The following GALNT17 variants were observed in gnomAD, a reference collection of about 807,000 sequenced individuals.
The protein encoded by GALNT17 is polypeptide N-acetylgalactosaminyltransferase 17.
In GALNT17, 29 loss-of-function variants were observed where a neutral mutation model predicts 63.7. The ratio of observed to expected loss-of-function variants is 0.46; its 90% CI spans 0.34 to 0.62. The LOEUF (loss-of-function observed/expected upper bound fraction) is 0.62, where lower values mean the gene tolerates loss of function less well. GALNT17 is among the 20% of genes least tolerant of loss of function. GALNT17 has a pLI of 0.01. For synonymous variants in GALNT17, 305 were observed against 318.3 expected (o/e 0.96, Z 0.45); for missense variants, 603 against 799.6 (o/e 0.75, Z 2.97).
At chr7:71,559,750 A>C (rs1444825084) in intron 5 of GALNT17, among the ~76,000 whole-genome samples, 1 of 151,832 alleles carries the variant, frequency 6.6e-6, no homozygotes, top group Non-Finnish European at 1.5e-5. Flanking sequence ...AGTCCCAGCT[A>C]TTTGAGAAGC....
At chr7:71,572,566 T>A (rs575800110) in intron 6 of GALNT17, among the ~76,000 whole-genome samples, 11 of 140,510 alleles carry the variant, frequency 7.8e-5, no homozygotes, top group East Asian at 6.3e-4. Context: ...TGTTTGGATA[T>A]ACATATACAT....
chr7:71,407,411 A>C (rs970460890), intron 3 of GALNT17, among the ~76,000 whole-genome samples: 5 of 152,132 alleles, frequency 3.3e-5, no homozygotes, highest in African/African-American at 9.7e-5. Context: ...CCCCCTGGCC[A>C]CAGAATATGA....
chr7:71,144,246 T>C (rs1585835522), intron 1 of GALNT17, among the ~76,000 whole-genome samples: 1 of 152,046 alleles, frequency 6.6e-6, no homozygotes, highest in Non-Finnish European at 1.5e-5. Flanking sequence ...CCTTGTCAGC[T>C]CCTCGAGTAT....
intron 6 of GALNT17, among the ~76,000 whole-genome samples, chr7:71,577,032 T>TA (rs34383231): frequency 6.6e-6 from 1 of 152,150 alleles, no homozygotes; most frequent in Non-Finnish European, 1.5e-5. Context: ...CATGCAACCC[T>TA]AAAAAAGATT....
intron 1 of GALNT17, among the ~76,000 whole-genome samples, chr7:71,146,877 G>A (rs1259223305): frequency 6.6e-6 from 1 of 152,158 alleles, no homozygotes; most frequent in African/African-American, 2.4e-5. Context: ...CAACACACGA[G>A]CGTGCTGACA....
chr7:71,508,885 G>A (rs925389410), intron 5 of GALNT17, among the ~76,000 whole-genome samples: 1 of 152,058 alleles, frequency 6.6e-6, no homozygotes, highest in African/African-American at 2.4e-5. Context: ...TCCCAGGAAG[G>A]TACCCTGGAC....
intron 5 of GALNT17, among the ~76,000 whole-genome samples, chr7:71,491,686 G>T (rs1190898288): frequency 6.6e-6 from 1 of 152,216 alleles, no homozygotes; most frequent in African/African-American, 2.4e-5. Context: ...GAGCATTGGA[G>T]TGACCTGGGG....
At position 71,572,504 on chromosome 7, in the gene GALNT17, T is replaced by TAAAAAAAAA. The variant is rs371372359; in HGVS notation, c.1080+1120_1080+1128dup. Among the ~76,000 whole-genome samples the TAAAAAAAAA allele has an allele frequency of 4.7e-4, 21 of 44,488 alleles. 2 individuals are homozygous for TAAAAAAAAA. Among genetic ancestry groups the TAAAAAAAAA allele is most frequent in the African/African-American group, 1.9e-3 (18 of 9,596 alleles). 29.2% of individuals were successfully genotyped at this position (44,488 alleles called of 152,430 possible). A position where few individuals can be genotyped will look rare whatever the true frequency, so the allele number is the denominator to read the frequency against. ...GCAACAGAGCAAGACCCTGTCTCAT[T>TAAAAAAAAA]AAAAAAAAAAAAAAAAAAAAAAAAA... On this transcript the variant is annotated intron_variant, in intron 6 of 10. Transcript: ENST00000333538.
At chr7:71,526,851 TGTCCAGATACA>T (rs1372734874) in intron 5 of GALNT17, among the ~76,000 whole-genome samples, 9 of 152,156 alleles carry the variant, frequency 5.9e-5, no homozygotes, top group Non-Finnish European at 1.2e-4. Context: ...TGACTGCCAG[TGTCCAGATACA>T]GCCTCAGCCC....
chr7:71,258,222 C>G (rs554041238), intron 1 of GALNT17, among the ~76,000 whole-genome samples: 3 of 152,306 alleles, frequency 2.0e-5, no homozygotes, highest in African/African-American at 7.2e-5. Flanking sequence ...GGGCTGACTC[C>G]CATATTATCT....
intron 5 of GALNT17, among the ~76,000 whole-genome samples, chr7:71,507,830 C>G (rs1285748351): frequency 6.6e-6 from 1 of 152,112 alleles, no homozygotes; most frequent in Non-Finnish European, 1.5e-5. Flanking sequence ...AATGATAAGC[C>G]TAATTGTTTT....
At chr7:71,191,353 A>ATT (rs397736163) in intron 1 of GALNT17, among the ~76,000 whole-genome samples, 297 of 145,298 alleles carry the variant, frequency 2.0e-3, no homozygotes, top group African/African-American at 6.0e-3. Context: ...TTCACTCAGC[A>ATT]TTTTTTTTTT....
intron 6 of GALNT17, among the ~76,000 whole-genome samples, chr7:71,625,346 A>G (rs962289788): frequency 2.6e-5 from 4 of 151,966 alleles, no homozygotes; most frequent in South Asian, 2.1e-4. Flanking sequence ...GGGTTTCACT[A>G]TGTTGGCCAG....
At chr7:71,137,234 G>C (rs557887762) in intron 1 of GALNT17, among the ~76,000 whole-genome samples, 1 of 149,450 alleles carries the variant, frequency 6.7e-6, no homozygotes, top group Non-Finnish European at 1.5e-5. Context: ...CCGCCTCCCG[G>C]GTTCACGCCA....
intron 1 of GALNT17, among the ~76,000 whole-genome samples, chr7:71,254,499 C>T (rs927259678): frequency 6.6e-6 from 1 of 152,156 alleles, no homozygotes; most frequent in Non-Finnish European, 1.5e-5. Flanking sequence ...TCCCATCTAT[C>T]ATGTTGGTAT....
chr7:71,305,223 C>T (rs896259374), intron 1 of GALNT17, among the ~76,000 whole-genome samples: 8 of 124,376 alleles, frequency 6.4e-5, no homozygotes, highest in African/African-American at 2.2e-4. Context: ...ATACTTTGAG[C>T]ACATGTTAAT....
In GALNT17 at chr7:71,250,630, C is replaced by T. The variant is rs531391544; in HGVS notation, c.239-84920C>T. Among the ~76,000 whole-genome samples the T allele has an allele frequency of 2.0e-4, 31 of 152,218 alleles. No individual in the cohort carries two copies. The South Asian group carries it at 4.1e-3, about 20-fold the overall frequency. On this transcript the variant is annotated intron_variant, in intron 1 of 10. Transcript: ENST00000333538. ...GAGGCACCCTAGACGTTTTTCCCCT[C>T]GAACAAGGTTTTCACGTAAGAACTC...
Position 71,151,514 on chromosome 7 carries a change from G to A in GALNT17, c.238+18474G>A, listed in dbSNP as rs371369630. Among the ~76,000 whole-genome samples the A allele has an allele frequency of 8.2e-4, 124 of 151,928 alleles. 1 individual carries two copies. In the East Asian group the frequency reaches 0.02, roughly 25 times the overall value. ...CAGGTGCCTGTAGTCCCAGCTACTC[G>A]GGAGGCTGAGGCAGGAGAATGGCGT... On this transcript the variant is annotated intron_variant, in intron 1 of 10. Coordinates refer to ENST00000333538, the MANE Select transcript of GALNT17 (RefSeq NM_022479.3).
intron 1 of GALNT17, among the ~76,000 whole-genome samples, chr7:71,154,158 C>T (rs1165675099): frequency 2.0e-5 from 3 of 152,034 alleles, no homozygotes; most frequent in Non-Finnish European, 2.9e-5. Flanking sequence ...ATCTTTGAAG[C>T]CGTGTGCCAC....
Sources: gnomAD v4.1 joint callset for allele counts (sites outside exome capture counted in the v4.1 genomes callset) on GRCh38, gnomAD v4.1.1 for gene constraint, MANE v1.5 for transcripts, NCBI Gene and HGNC (gene_info 2026-07-23, HGNC 2026-07-21) for gene names.